Variants in GRM8 observed in about 807,000 individuals in gnomAD.
GRM8 encodes metabotropic glutamate receptor 8.
GRM8 carries 47 observed loss-of-function variants against 87.2 expected under a neutral mutation model. The ratio of observed to expected loss-of-function variants is 0.54; its 90% CI spans 0.43 to 0.69. The LOEUF (loss-of-function observed/expected upper bound fraction) is 0.69, where lower values mean the gene tolerates loss of function less well. GRM8 is among the 30% of genes least tolerant of loss of function. The pLI is 0.00. For missense variants in GRM8, 1,019 were observed against 1,139.2 expected (o/e 0.89, Z 1.52); for synonymous variants, 396 against 404.5 (o/e 0.98, Z 0.25).
At chr7:127,170,003 T>C (rs1250975064) in intron 2 of GRM8, among the ~76,000 whole-genome samples, 5 of 152,224 alleles carry the variant, frequency 3.3e-5, no homozygotes, top group Non-Finnish European at 7.3e-5. Context: ...ATATCCATTC[T>C]GTAGCCCATG....
intron 3 of GRM8, among the ~76,000 whole-genome samples, chr7:126,953,206 C>T (rs1457411658): frequency 6.6e-6 from 1 of 152,028 alleles, no homozygotes; most frequent in Non-Finnish European, 1.5e-5. Context: ...GAGAAAAAAA[C>T]CACTGATGTG....
chr7:126,613,941 C>T (rs1799182543), intron 7 of GRM8, among the ~76,000 whole-genome samples: 1 of 152,200 alleles, frequency 6.6e-6, no homozygotes, highest in African/African-American at 2.4e-5. Context: ...TCTGTAGACT[C>T]CACCTCTGGG....
intron 7 of GRM8, among the ~76,000 whole-genome samples, chr7:126,763,426 TATC>T (rs1817801705): frequency 7.1e-6 from 1 of 141,092 alleles, no homozygotes; most frequent in Admixed American, 7.5e-5. Flanking sequence ...AAGCCACCAT[TATC>T]ATATGATAAA....
intron 8 of GRM8, among the ~76,000 whole-genome samples, chr7:126,589,102 A>T (rs545731745): frequency 1.3e-5 from 2 of 152,276 alleles, no homozygotes; most frequent in East Asian, 3.9e-4. Context: ...CCAACCAAAC[A>T]TGCAAAATTT....
intron 2 of GRM8, among the ~76,000 whole-genome samples, chr7:127,225,560 G>T (rs1000988576): frequency 6.6e-6 from 1 of 151,624 alleles, no homozygotes; most frequent in Non-Finnish European, 1.5e-5. Flanking sequence ...AGAAAGAAAC[G>T]CAACAATTTG....
chr7:126,859,276 T>C (rs1156365662), intron 6 of GRM8, among the ~76,000 whole-genome samples: 1 of 152,212 alleles, frequency 6.6e-6, no homozygotes, highest in Non-Finnish European at 1.5e-5. Flanking sequence ...TAGATAAAAG[T>C]TGGGCTTGCC....
intron 7 of GRM8, among the ~76,000 whole-genome samples, chr7:126,746,906 A>G (rs1815763251): frequency 6.6e-6 from 1 of 151,850 alleles, no homozygotes; most frequent in Admixed American, 6.6e-5. Context: ...GTAGTTTATA[A>G]TGACTGAATA....
chr7:126,489,518 G>A (rs757727184), intron 9 of GRM8, among the ~76,000 whole-genome samples: 19 of 151,914 alleles, frequency 1.3e-4, no homozygotes, highest in Admixed American at 2.6e-4. Context: ...CTTATTACCC[G>A]GTATTAGTAG....
At chr7:126,691,285 C>T (rs965788281) in intron 7 of GRM8, among the ~76,000 whole-genome samples, 10 of 152,140 alleles carry the variant, frequency 6.6e-5, no homozygotes, top group African/African-American at 1.2e-4. Context: ...GGCCAGGTTG[C>T]GACAGTGCCT....
chr7:126,559,889 T>C (rs1003963841), intron 8 of GRM8, among the ~76,000 whole-genome samples: 3 of 152,212 alleles, frequency 2.0e-5, no homozygotes, highest in Non-Finnish European at 4.4e-5. Flanking sequence ...ATATATTTTC[T>C]CTTTGAAATT....
intron 3 of GRM8, among the ~76,000 whole-genome samples, chr7:127,006,529 G>A (rs910467333): frequency 1.8e-4 from 28 of 151,996 alleles, no homozygotes; most frequent in Admixed American, 9.2e-4. Flanking sequence ...TGAACTGTTC[G>A]AATCAAGGTC....
rs1821500716 is a variant in GRM8, at chr7:127,069,810, AC to A, written c.727+36685del. Among the ~76,000 whole-genome samples the A allele has an allele frequency of 6.6e-5, 10 of 152,296 alleles. 1 individual carries two copies. The South Asian group carries it at 2.1e-3, about 32-fold the overall frequency. ...TTAAATGTATGATCCTAGTTTTGTA[AC>A]CTCTCTGAGACAAACTTTCCTCATT... is the stretch of plus-strand genomic sequence containing the variant. On this transcript the variant is annotated intron_variant, in intron 3 of 10. Coordinates refer to ENST00000339582, the MANE Select transcript of GRM8 (RefSeq NM_000845.3).
At chr7:126,733,801 A>T (rs1813885360) in intron 7 of GRM8, among the ~76,000 whole-genome samples, 1 of 152,032 alleles carries the variant, frequency 6.6e-6, no homozygotes, top group South Asian at 2.1e-4. Flanking sequence ...AGCAGGCATT[A>T]TTTAAAAATT....
intron 6 of GRM8, among the ~76,000 whole-genome samples, chr7:126,877,517 A>G (rs1239478800): frequency 1.3e-5 from 2 of 152,252 alleles, no homozygotes; most frequent in Non-Finnish European, 2.9e-5. Context: ...CTTCATGGAC[A>G]TAAGTTCTAT....
intron 7 of GRM8, among the ~76,000 whole-genome samples, chr7:126,761,591 T>C (rs1487733890): frequency 6.6e-6 from 1 of 152,212 alleles, no homozygotes; most frequent in Non-Finnish European, 1.5e-5. Flanking sequence ...ACACTTACCC[T>C]AGCACTTCAC....
chr7:127,194,312 T>C (rs1795174405), intron 2 of GRM8, among the ~76,000 whole-genome samples: 1 of 152,210 alleles, frequency 6.6e-6, no homozygotes, highest in African/African-American at 2.4e-5. Context: ...GAACAATGTT[T>C]GCAGGACTGC....
intron 3 of GRM8, among the ~76,000 whole-genome samples, chr7:126,911,824 G>A (rs1331075583): frequency 1.3e-5 from 2 of 152,174 alleles, no homozygotes; most frequent in Non-Finnish European, 1.5e-5. Context: ...CAATCAGTGC[G>A]ATGATTCATT....
At chr7:126,577,909 T>C (rs1358077216) in intron 8 of GRM8, among the ~76,000 whole-genome samples, 2 of 152,036 alleles carry the variant, frequency 1.3e-5, no homozygotes, top group Non-Finnish European at 2.9e-5. Context: ...ACTCTTAAAA[T>C]CTCCCACCAA....
intron 8 of GRM8, among the ~76,000 whole-genome samples, chr7:126,605,524 C>T (rs192347766): frequency 1.5e-4 from 23 of 152,160 alleles, no homozygotes; most frequent in African/African-American, 5.1e-4. Context: ...TTAAAAAATT[C>T]GTTCAATCCA....
Sources: allele counts gnomAD v4.1 joint callset (sites outside exome capture counted in the v4.1 genomes callset), GRCh38; gene constraint gnomAD v4.1.1; transcripts MANE v1.5; gene names NCBI Gene and HGNC (gene_info 2026-07-23, HGNC 2026-07-21).